PCDH15: variants seen among roughly 807,000 people sequenced by gnomAD.
PCDH15 encodes the protein protocadherin related 15, also known as protocadherin-15.
In PCDH15, 129 loss-of-function variants were observed where a neutral mutation model predicts 178.5. That is an observed-to-expected ratio of 0.72 (90% CI 0.63 to 0.84). The LOEUF is 0.84. Ranked by LOEUF, PCDH15 falls within the 40% of genes least tolerant of loss-of-function variation. The pLI, the probability that PCDH15 is intolerant of heterozygous loss-of-function variation, is 0.00. For missense variants in PCDH15, 2,230 were observed against 2,099.9 expected (o/e 1.06, Z -1.21); for synonymous variants, 800 against 732.0 (o/e 1.09, Z -1.50).
At chr10:54,454,142 A>C (rs1301512848) in intron 3 of PCDH15, among the ~76,000 whole-genome samples, 1 of 149,590 alleles carries the variant, frequency 6.7e-6, no homozygotes, top group African/African-American at 2.4e-5. Flanking sequence ...TTGTAAACAC[A>C]AAATAGATTT....
At chr10:54,431,307 A>C (rs936717951) in intron 3 of PCDH15, among the ~76,000 whole-genome samples, 5 of 152,178 alleles carry the variant, frequency 3.3e-5, no homozygotes, top group African/African-American at 9.7e-5. Flanking sequence ...ATAAAAAAAA[A>C]CTATAGGCCA....
chr10:54,218,025 C>T lies in PCDH15; in HGVS notation c.986-3977G>A, dbSNP rs539467711. Among the ~76,000 whole-genome samples, 9 of 152,082 alleles carry T rather than the reference C, an allele frequency of 5.9e-5. No individual in the cohort carries two copies. The South Asian group carries it at 1.2e-3, about 21-fold the overall frequency. On this transcript the variant is annotated intron_variant, in intron 9 of 37. Transcript: ENST00000644397. Reference sequence around the variant, plus strand: ...AAATATGTTTAAATTCATAAGTTTACGAGTGTTGCAAAATAACGTATTGAT... The same window carrying T: ...AAATATGTTTAAATTCATAAGTTTATGAGTGTTGCAAAATAACGTATTGAT...
At chr10:54,002,626 A>T (rs2135028292) in intron 20 of PCDH15, among the ~76,000 whole-genome samples, 1 of 152,326 alleles carries the variant, frequency 6.6e-6, no homozygotes, top group South Asian at 2.1e-4. Flanking sequence ...AGAAAATTGA[A>T]AACTTTTTTG....
At chr10:55,226,629 G>A (rs947163418) in intron 1 of PCDH15, among the ~76,000 whole-genome samples, 5 of 152,034 alleles carry the variant, frequency 3.3e-5, no homozygotes, top group East Asian at 1.9e-4. Context: ...TGATCCGCCC[G>A]CCTCGGCCTC....
chr10:55,093,943 G>A (rs1255186915), intron 2 of PCDH15, among the ~76,000 whole-genome samples: 2 of 152,094 alleles, frequency 1.3e-5, no homozygotes, highest in African/African-American at 2.4e-5. Flanking sequence ...CACTGTTGGT[G>A]GGAGTGTAAA....
At chr10:54,662,057 CTTAA>C (rs2094500574) in intron 2 of PCDH15, among the ~76,000 whole-genome samples, 2 of 151,726 alleles carry the variant, frequency 1.3e-5, no homozygotes, top group African/African-American at 4.8e-5. Context: ...ACAAATGGGA[CTTAA>C]TTAAGCCAAA....
intron 1 of PCDH15, among the ~76,000 whole-genome samples, chr10:54,722,741 C>T (rs189079748): frequency 1.3e-5 from 2 of 151,802 alleles, no homozygotes; most frequent in East Asian, 3.9e-4. Flanking sequence ...CATTTCTATA[C>T]ACCAATAACA....
At chr10:54,254,939 T>C (rs1348118770) in intron 8 of PCDH15, among the ~76,000 whole-genome samples, 1 of 152,180 alleles carries the variant, frequency 6.6e-6, no homozygotes, top group East Asian at 1.9e-4. Context: ...CCTTTCTGCA[T>C]TGGCAACAAT....
chr10:55,263,154 C>T (rs1842192259), intron 1 of PCDH15, among the ~76,000 whole-genome samples: 1 of 151,874 alleles, frequency 6.6e-6, no homozygotes, highest in Admixed American at 6.6e-5. Flanking sequence ...AAAACCCTGG[C>T]ACTTCTCTCT....
At chr10:54,153,065 G>A (rs1315159867) in intron 14 of PCDH15, 35 bp downstream of exon 14, 11 of 1,610,096 alleles carry the variant, frequency 6.8e-6, no homozygotes, top group East Asian at 2.2e-5. Flanking sequence ...AAACGGGCCC[G>A]ATGAAAAGAC....
intron 15 of PCDH15, among the ~76,000 whole-genome samples, chr10:54,121,006 G>A (rs113940750): frequency 2.5e-3 from 382 of 151,438 alleles, no homozygotes; most frequent in African/African-American, 8.5e-3. Flanking sequence ...CAACTGCACA[G>A]GGAATATACT....
In PCDH15 at chr10:54,236,813, A is replaced by C. The variant is rs1406354205; in HGVS notation, c.985+10T>G. ...ATAACTGATAGTGTAAAATGTTATC[A>C]GATACAAACCAACAAGGATGGAATA... On this transcript the variant is annotated intron_variant, in intron 9 of 37. Transcript: ENST00000644397. 6.3e-7 allele frequency: 1 copy of C among 1,591,944 alleles called. No homozygotes were observed. The highest frequency in any genetic ancestry group is 1.1e-5 in the South Asian group (1 of 90,624).
At chr10:54,420,230 A>C (rs1774652) in intron 3 of PCDH15, among the ~76,000 whole-genome samples, 31,243 of 151,948 alleles carry the variant, frequency 0.21, 3,992 homozygotes, top group African/African-American at 0.36. Flanking sequence ...TCAAAGAATG[A>C]AAAACCGGAA....
intron 3 of PCDH15, among the ~76,000 whole-genome samples, chr10:54,870,663 G>A (rs1459167294): frequency 6.6e-6 from 1 of 151,988 alleles, no homozygotes; most frequent in African/African-American, 2.4e-5. Flanking sequence ...GCGGGCGCCT[G>A]TAGTCCCAGC....
chr10:54,829,313 G>A (rs1953183707), intron 3 of PCDH15, among the ~76,000 whole-genome samples: 1 of 151,886 alleles, frequency 6.6e-6, no homozygotes, highest in South Asian at 2.1e-4. Flanking sequence ...TGTAATTGCA[G>A]AACTGTAACC....
intron 14 of PCDH15, among the ~76,000 whole-genome samples, chr10:54,134,980 G>A (rs1198549339): frequency 1.3e-5 from 2 of 151,354 alleles, no homozygotes; most frequent in East Asian, 2.0e-4. Context: ...GCCAAGGTGA[G>A]CGATCACAAG....
intron 2 of PCDH15, among the ~76,000 whole-genome samples, chr10:55,035,371 T>A (rs964649776): frequency 1.6e-4 from 25 of 152,272 alleles, no homozygotes; most frequent in Non-Finnish European, 1.8e-4. Flanking sequence ...TTCCTTACAC[T>A]GATTCATTTT....
rs752695385 is a variant in PCDH15, at chr10:54,064,499, C to A, written c.2220+2258G>T. 6.0e-4 allele frequency among the ~76,000 whole-genome samples: 92 copies of A among 152,272 alleles called. 1 individual carries two copies. The Middle Eastern group carries it at 0.01, about 17-fold the overall frequency. On this transcript the variant is annotated intron_variant, in intron 18 of 37. Transcript: ENST00000644397. ...CACCAGGGACACCCCACTTTCCACCCAGGAGCCTGTCTTCTGCTGCCATCA... is the reference window on the plus strand; with the variant it reads ...CACCAGGGACACCCCACTTTCCACCAAGGAGCCTGTCTTCTGCTGCCATCA...
At chr10:55,173,501 AAT>A (rs372128400) in intron 1 of PCDH15, among the ~76,000 whole-genome samples, 92 of 152,230 alleles carry the variant, frequency 6.0e-4, no homozygotes, top group African/African-American at 2.1e-3. Context: ...GGTAAAAATT[AAT>A]ATGACATCGT....
Sources: allele counts gnomAD v4.1 joint callset (sites outside exome capture counted in the v4.1 genomes callset), GRCh38; gene constraint gnomAD v4.1.1; transcripts MANE v1.5; gene names NCBI Gene and HGNC (gene_info 2026-07-23, HGNC 2026-07-21).